The following FOXP2 variants were observed in gnomAD, a reference collection of about 807,000 sequenced individuals.
The protein encoded by FOXP2 is forkhead box P2, also known as forkhead box protein P2.
In FOXP2, 12 loss-of-function variants were observed where a neutral mutation model predicts 115.8. The ratio of observed to expected loss-of-function variants is 0.10; its 90% CI spans 0.07 to 0.17. The LOEUF is 0.17. Ranked by LOEUF, FOXP2 falls within the 10% of genes least tolerant of loss-of-function variation. FOXP2 has a pLI of 1.00. For missense variants in FOXP2, 629 were observed against 843.5 expected (o/e 0.75, Z 3.15); for synonymous variants, 328 against 297.7 (o/e 1.10, Z -1.05).
chr7:114,535,548 A>AT (rs1381364586), intron 3 of FOXP2, among the ~76,000 whole-genome samples: 2 of 151,470 alleles, frequency 1.3e-5, no homozygotes, highest in Non-Finnish European at 3.0e-5. Context: ...AAACAAAACA[A>AT]TTTTTTATGG....
chr7:114,642,209 G>T (rs1349658084), intron 6 of FOXP2, among the ~76,000 whole-genome samples: 1 of 151,940 alleles, frequency 6.6e-6, no homozygotes, highest in African/African-American at 2.4e-5. Context: ...TCCCAAATTG[G>T]TACTCTTTAG....
intron 1 of FOXP2, among the ~76,000 whole-genome samples, chr7:114,154,714 G>A (rs571201193): frequency 1.3e-5 from 2 of 152,160 alleles, no homozygotes; most frequent in African/African-American, 2.4e-5. Flanking sequence ...TGTGTTCAAA[G>A]AGATTAAATA....
In FOXP2 at chr7:114,607,914, A is replaced by C. The variant is rs1008098483; in HGVS notation, c.259-20626A>C. Among the ~76,000 whole-genome samples, 3 of 152,240 alleles carry C rather than the reference A, an allele frequency of 2.0e-5. 1 individual carries two copies. The highest frequency in any genetic ancestry group is 2.0e-4 in the Admixed American group (3 of 15,280). On this transcript the variant is annotated intron_variant, in intron 3 of 16. Transcript: ENST00000350908. The stretch of plus-strand genomic sequence containing the variant: ...TTCCTGGCTAATTTCTTATAATTTT[A>C]CAATTTTTTATCAATTATACAGGTG...
At chr7:114,360,271 A>G (rs1791715775) in intron 2 of FOXP2, among the ~76,000 whole-genome samples, 1 of 152,142 alleles carries the variant, frequency 6.6e-6, no homozygotes, top group Admixed American at 6.6e-5. Context: ...ATGTGAAGCT[A>G]TGAGTCCATT....
chr7:114,270,658 G>T (rs955898050), intron 1 of FOXP2, among the ~76,000 whole-genome samples: 1 of 152,128 alleles, frequency 6.6e-6, no homozygotes, highest in South Asian at 2.1e-4. Context: ...TTTTAATTGA[G>T]TTTTTTTCTT....
At chr7:114,404,606 G>C (rs188250390) in intron 2 of FOXP2, among the ~76,000 whole-genome samples, 1 of 152,074 alleles carries the variant, frequency 6.6e-6, no homozygotes, top group African/African-American at 2.4e-5. Flanking sequence ...AATCAAAATC[G>C]CCTTTTTAAA....
chr7:114,628,788 C>A, intron 4 of FOXP2, 111 bp downstream of exon 4: 2 of 1,285,966 alleles, frequency 1.6e-6, no homozygotes, highest in Non-Finnish European at 2.2e-6. Context: ...AAAGGACAAC[C>A]TATTAGCGTG....
intron 16 of FOXP2, among the ~76,000 whole-genome samples, chr7:114,671,261 C>T (rs1221631304): frequency 1.3e-5 from 2 of 151,796 alleles, no homozygotes; most frequent in Non-Finnish European, 2.9e-5. Context: ...TATTCCAGTC[C>T]CCATATGTGG....
At chr7:114,468,571 C>G (rs1477522019) in intron 2 of FOXP2, among the ~76,000 whole-genome samples, 1 of 152,016 alleles carries the variant, frequency 6.6e-6, no homozygotes, top group Non-Finnish European at 1.5e-5. Flanking sequence ...CGGGTCCTCG[C>G]TATAATGCCT....
intron 3 of FOXP2, among the ~76,000 whole-genome samples, chr7:114,579,757 T>C (rs1023941580): frequency 6.6e-6 from 1 of 152,212 alleles, no homozygotes; most frequent in Non-Finnish European, 1.5e-5. Context: ...CATAGCTCCA[T>C]TGATAATTCC....
At chr7:114,097,004 A>T (rs962671948) in intron 1 of FOXP2, among the ~76,000 whole-genome samples, 1 of 127,866 alleles carries the variant, frequency 7.8e-6, no homozygotes, top group African/African-American at 4.2e-5. Flanking sequence ...TACTTTGATT[A>T]CTTTATTGTA....
At chr7:114,189,469 A>G (rs1793698996) in intron 1 of FOXP2, among the ~76,000 whole-genome samples, 1 of 152,118 alleles carries the variant, frequency 6.6e-6, no homozygotes, top group Admixed American at 6.5e-5. Context: ...ATACTCTCCT[A>G]CTTTTCCCAT....
intron 2 of FOXP2, among the ~76,000 whole-genome samples, chr7:114,333,891 T>TA (rs200699753): frequency 0.11 from 15,641 of 139,488 alleles, 1,160 homozygotes; most frequent in East Asian, 0.34. Flanking sequence ...CCATCTCAAT[T>TA]AAAAAAAAAA....
At chr7:114,628,309 G>C (rs1395196964) in intron 3 of FOXP2, among the ~76,000 whole-genome samples, 1 of 152,098 alleles carries the variant, frequency 6.6e-6, no homozygotes, top group East Asian at 1.9e-4. Context: ...TGTTAAATAA[G>C]AGCTATGGAA....
rs398005920 is a variant in FOXP2, at chr7:114,378,684, C to CAAAAAAAAAAAAAAAAAAAAAAAAAAAA, written c.-10-47801_-10-47800insAAAAAAAAAAAAAAAAAAAAAAAAAAAA. On this transcript the variant is annotated intron_variant, in intron 2 of 17. Coordinates refer to the FOXP2 transcript ENST00000634411. ...GTGAGACAATGTAAGACCCTGTCTC[C>CAAAAAAAAAAAAAAAAAAAAAAAAAAAA]AAAAAAAAAAAAAAAAAGGAAAAGA... Among the ~76,000 whole-genome samples the CAAAAAAAAAAAAAAAAAAAAAAAAAAAA allele has an allele frequency of 2.2e-4, 4 of 18,096 alleles. 1 individual carries two copies. The highest frequency in any genetic ancestry group is 7.6e-4 in the African/African-American group (4 of 5,288). 11.9% of individuals were successfully genotyped at this position (18,096 alleles called of 152,430 possible).
At chr7:114,166,042 C>A (rs1792972935) in intron 1 of FOXP2, among the ~76,000 whole-genome samples, 2 of 152,092 alleles carry the variant, frequency 1.3e-5, no homozygotes, top group South Asian at 4.1e-4. Flanking sequence ...AGTGCTTAAA[C>A]AACTGGACAT....
chr7:114,421,687 T>C (rs2129202912), intron 1 of FOXP2, among the ~76,000 whole-genome samples: 1 of 151,840 alleles, frequency 6.6e-6, no homozygotes, highest in East Asian at 1.9e-4. Context: ...TTAAAAGACA[T>C]CCTGCTTCAG....
intron 2 of FOXP2, among the ~76,000 whole-genome samples, chr7:114,468,691 A>C (rs1441896668): frequency 6.6e-6 from 1 of 152,306 alleles, no homozygotes; most frequent in East Asian, 1.9e-4. Context: ...CAAGTAAGTT[A>C]GGCGTCATTC....
intron 2 of FOXP2, among the ~76,000 whole-genome samples, chr7:114,530,584 C>T (rs766653537): frequency 4.6e-5 from 7 of 151,546 alleles, no homozygotes; most frequent in African/African-American, 1.7e-4. Flanking sequence ...TGTTTTACTG[C>T]GTATTTCTAA....
Sources: allele counts gnomAD v4.1 joint callset (sites outside exome capture counted in the v4.1 genomes callset), GRCh38; gene constraint gnomAD v4.1.1; transcripts MANE v1.5; gene names NCBI Gene and HGNC (gene_info 2026-07-23, HGNC 2026-07-21).